Variants in CNTN4 observed in about 807,000 individuals in gnomAD.
The protein encoded by CNTN4 is contactin 4.
Under a neutral mutation model 122.5 loss-of-function variants are expected in CNTN4, and 77 were observed. The observed-to-expected ratio is 0.63, with a 90% confidence interval of 0.52 to 0.76. The LOEUF is 0.76. CNTN4 is among the 30% of genes least tolerant of loss of function. The pLI is 0.00. For missense variants in CNTN4, 1,256 were observed against 1,259.1 expected (o/e 1.00, Z 0.04); for synonymous variants, 512 against 447.0 (o/e 1.15, Z -1.83).
At chr3:2,653,939 C>G (rs1427833804) in intron 4 of CNTN4, among the ~76,000 whole-genome samples, 1 of 152,134 alleles carries the variant, frequency 6.6e-6, no homozygotes, top group Admixed American at 6.5e-5. Context: ...CAACTAGCAG[C>G]TAGAAAACAG....
At chr3:2,911,367 G>C (rs2094297663) in intron 12 of CNTN4, among the ~76,000 whole-genome samples, 1 of 152,160 alleles carries the variant, frequency 6.6e-6, no homozygotes, top group Non-Finnish European at 1.5e-5. Context: ...TCTTCAATTA[G>C]GGGATTACAT....
At position 2,259,830 on chromosome 3, in the gene CNTN4, C is replaced by T. The variant is rs531792778; in HGVS notation, c.-144-79348C>T. On this transcript the variant is annotated intron_variant, in intron 2 of 24. Coordinates refer to ENST00000418658, the MANE Select transcript of CNTN4 (RefSeq NM_175607.3). ...TATCAGCTCGTGAGTGAGCATCAGA[C>T]CTGGGGTTCACATCCTCGTATCTTT... Among the ~76,000 whole-genome samples the T allele has an allele frequency of 3.3e-5, 5 of 152,244 alleles. No individual in the cohort carries two copies. The South Asian group carries it at 6.2e-4, about 19-fold the overall frequency.
intron 13 of CNTN4, among the ~76,000 whole-genome samples, chr3:2,970,078 GTTGTTGTTGTTGT>G (rs143207983): frequency 0.084 from 12,841 of 152,080 alleles, 669 homozygotes; most frequent in Non-Finnish European, 0.12. Flanking sequence ...TACTGTTTTT[GTTGTTGTTGTTGT>G]TTGTTGTTGT....
intron 4 of CNTN4, among the ~76,000 whole-genome samples, chr3:2,708,669 A>G (rs1014017910): frequency 7.3e-5 from 11 of 150,432 alleles, no homozygotes; most frequent in African/African-American, 2.4e-4. Context: ...TAGAGAGGCA[A>G]TCCATTCCCT....
At chr3:2,729,603 A>G (rs1422412320) in intron 4 of CNTN4, among the ~76,000 whole-genome samples, 1 of 150,984 alleles carries the variant, frequency 6.6e-6, no homozygotes, top group African/African-American at 2.4e-5. Flanking sequence ...TGCTCAATTC[A>G]TAACTAGTTT....
chr3:2,827,595 T>C lies in CNTN4; in HGVS notation c.454+8014T>C, dbSNP rs115872294. 4.8e-3 allele frequency among the ~76,000 whole-genome samples: 737 copies of C among 152,372 alleles called. 6 individuals carry two copies. Among genetic ancestry groups the C allele is most frequent in the African/African-American group, 0.017 (697 of 41,592 alleles). On this transcript the variant is annotated intron_variant, in intron 7 of 24. Transcript: ENST00000418658. ...TTTATATGGAATTTACATCTATTAT[T>C]AACATAAATTGGTTATGCTCTGGCA...
intron 7 of CNTN4, among the ~76,000 whole-genome samples, chr3:2,821,377 G>A (rs1369671504): frequency 4.6e-5 from 7 of 152,172 alleles, no homozygotes; most frequent in Non-Finnish European, 1.5e-5. Flanking sequence ...GTATGGATGA[G>A]GCATGAAGTC....
chr3:2,765,046 A>T (rs1369896081), intron 6 of CNTN4, among the ~76,000 whole-genome samples: 1 of 152,180 alleles, frequency 6.6e-6, no homozygotes, highest in East Asian at 1.9e-4. Context: ...GTCAGAGGGA[A>T]TAATTTGTTT....
intron 3 of CNTN4, among the ~76,000 whole-genome samples, chr3:2,556,056 G>A (rs2078708098): frequency 6.6e-6 from 1 of 152,264 alleles, no homozygotes; most frequent in South Asian, 2.1e-4. Flanking sequence ...CTGTTTGCTA[G>A]TGTAAACATT....
At chr3:2,926,743 T>C (rs557708114) in intron 13 of CNTN4, among the ~76,000 whole-genome samples, 1 of 151,548 alleles carries the variant, frequency 6.6e-6, no homozygotes, top group Non-Finnish European at 1.5e-5. Context: ...TCCATTTTAA[T>C]GTAAACCTGA....
intron 23 of CNTN4, among the ~76,000 whole-genome samples, chr3:3,045,621 C>G (rs1027926287): frequency 6.6e-5 from 10 of 152,192 alleles, no homozygotes; most frequent in Non-Finnish European, 1.2e-4. Context: ...CACCAAAACC[C>G]CATCTGTACG....
chr3:2,393,738 A>G (rs1228017820), intron 3 of CNTN4, among the ~76,000 whole-genome samples: 1 of 152,176 alleles, frequency 6.6e-6, no homozygotes, highest in African/African-American at 2.4e-5. Flanking sequence ...TAAGTTATAT[A>G]CCTAAAGAGA....
intron 2 of CNTN4, among the ~76,000 whole-genome samples, chr3:2,160,928 G>A (rs1292033055): frequency 6.6e-6 from 1 of 151,842 alleles, no homozygotes; most frequent in Non-Finnish European, 1.5e-5. Context: ...AATCCCTCTT[G>A]CCTGGGGCTT....
At chr3:2,730,546 AG>A (rs1249507011) in intron 4 of CNTN4, among the ~76,000 whole-genome samples, 1 of 152,206 alleles carries the variant, frequency 6.6e-6, no homozygotes, top group African/African-American at 2.4e-5. Context: ...TCCAGCTCCT[AG>A]GATTGTTCAC....
chr3:3,045,326 C>T (rs1700534522), intron 23 of CNTN4, among the ~76,000 whole-genome samples: 1 of 152,218 alleles, frequency 6.6e-6, no homozygotes. Context: ...TGGACAGACT[C>T]CCTCCTCAAG....
At chr3:2,341,410 GA>G (rs2044206805) in intron 3 of CNTN4, among the ~76,000 whole-genome samples, 2 of 152,230 alleles carry the variant, frequency 1.3e-5, no homozygotes, top group African/African-American at 4.8e-5. Flanking sequence ...GGTATTCCAA[GA>G]ACCTAGCAGT....
chr3:3,018,571 A>AT (rs1477113559), intron 14 of CNTN4, among the ~76,000 whole-genome samples: 1 of 152,186 alleles, frequency 6.6e-6, no homozygotes. Context: ...GGCAGAGGAG[A>AT]CAGCTGGCAA....
intron 4 of CNTN4, among the ~76,000 whole-genome samples, chr3:2,648,838 T>TA (rs1234431073): frequency 3.9e-5 from 6 of 152,190 alleles, no homozygotes; most frequent in Admixed American, 2.6e-4. Context: ...GGCTAAGTTA[T>TA]GAATGCAAAG....
intron 2 of CNTN4, among the ~76,000 whole-genome samples, chr3:2,174,089 G>A (rs1324160236): frequency 1.3e-5 from 2 of 152,126 alleles, no homozygotes; most frequent in Non-Finnish European, 2.9e-5. Context: ...TGTTTGGTGA[G>A]TAGTTGAATA....
Sources: gnomAD v4.1 joint callset for allele counts (sites outside exome capture counted in the v4.1 genomes callset) on GRCh38, gnomAD v4.1.1 for gene constraint, MANE v1.5 for transcripts, NCBI Gene and HGNC (gene_info 2026-07-23, HGNC 2026-07-21) for gene names.